The following EYS variants were observed in gnomAD, a reference collection of about 807,000 sequenced individuals.
EYS encodes the protein protein eyes shut homolog.
In EYS, 250 loss-of-function variants were observed where a neutral mutation model predicts 282.1. That is an observed-to-expected ratio of 0.89 (90% CI 0.80 to 0.98). The LOEUF is 0.98. Ranked by LOEUF, EYS falls within the 50% of genes least tolerant of loss-of-function variation. The probability of loss-of-function intolerance (pLI) is 0.00; values close to 1 mark genes in which losing one functional copy is unlikely to be tolerated. For missense variants in EYS, 4,016 were observed against 3,709.0 expected, an observed-to-expected ratio of 1.08 and a Z score of -2.15; for synonymous variants, 1,355 against 1,282.9, an observed-to-expected ratio of 1.06 and a Z score of -1.20.
Position 65,515,868 on chromosome 6 carries a change from C to T in EYS, c.-332-19875G>A, listed in dbSNP as rs192759554. On this transcript the variant is annotated intron_variant, in intron 2 of 42. Coordinates refer to ENST00000503581, the MANE Select transcript of EYS (RefSeq NM_001142800.2). ...ATGACGAGTTAACGGGTGCAGCACA[C>T]CAGCATGGCACATGTATACATATGT... Among the ~76,000 whole-genome samples, 1,126 of 150,902 alleles carry T rather than the reference C, an allele frequency of 7.5e-3. 15 individuals carry two copies. The highest frequency in any genetic ancestry group is 0.025 in the African/African-American group (1,011 of 41,094).
chr6:64,256,711 A>G (rs1029237433), intron 30 of EYS, among the ~76,000 whole-genome samples: 1 of 152,046 alleles, frequency 6.6e-6, no homozygotes, highest in East Asian at 1.9e-4. Context: ...TAGCAAAAGT[A>G]GTAATTAGAT....
intron 12 of EYS, among the ~76,000 whole-genome samples, chr6:65,098,614 A>T (rs894718940): frequency 6.6e-6 from 1 of 150,850 alleles, no homozygotes; most frequent in African/African-American, 2.4e-5. Flanking sequence ...TTGACAAGTT[A>T]TGAATACAAC....
intron 29 of EYS, among the ~76,000 whole-genome samples, chr6:64,361,733 T>TA (rs1772015904): frequency 6.6e-6 from 1 of 151,764 alleles, no homozygotes; most frequent in South Asian, 2.1e-4. Context: ...ACACAACACA[T>TA]ACACACTTAC....
At chr6:64,930,673 G>A (rs2150086897) in intron 15 of EYS, among the ~76,000 whole-genome samples, 1 of 152,086 alleles carries the variant, frequency 6.6e-6, no homozygotes, top group Non-Finnish European at 1.5e-5. Context: ...ATGATTTAAG[G>A]TATTTATTTA....
chr6:64,066,589 T>A, intron 32 of EYS, 98 bp from the exon 33 acceptor site: 1 of 830,100 alleles, frequency 1.2e-6, no homozygotes, highest in Non-Finnish European at 1.9e-6. Flanking sequence ...GACTAATGAT[T>A]TAGGGGGTTG....
At chr6:63,802,335 A>G (rs1363290008) in intron 37 of EYS, among the ~76,000 whole-genome samples, 1 of 152,168 alleles carries the variant, frequency 6.6e-6, no homozygotes, top group Non-Finnish European at 1.5e-5. Flanking sequence ...ATTAGGACAA[A>G]TACCTAATGC....
intron 26 of EYS, among the ~76,000 whole-genome samples, chr6:64,449,508 C>T (rs1279416028): frequency 6.6e-6 from 1 of 151,990 alleles, no homozygotes; most frequent in Non-Finnish European, 1.5e-5. Context: ...ACAGAGAATG[C>T]CACAAAGATA....
intron 12 of EYS, among the ~76,000 whole-genome samples, chr6:65,260,356 C>T (rs1051683903): frequency 6.6e-6 from 1 of 152,060 alleles, no homozygotes; most frequent in Non-Finnish European, 1.5e-5. Flanking sequence ...ATTTCAAAGA[C>T]CTGCCTGCAG....
At chr6:65,560,271 C>A (rs1768991578) in intron 2 of EYS, among the ~76,000 whole-genome samples, 4 of 140,232 alleles carry the variant, frequency 2.9e-5, no homozygotes, top group Admixed American at 1.5e-4. Context: ...TAATATATAA[C>A]ATATAACATA....
chr6:65,387,777 A>G (rs1417800781), intron 7 of EYS, among the ~76,000 whole-genome samples: 2 of 151,998 alleles, frequency 1.3e-5, no homozygotes, highest in African/African-American at 4.8e-5. Context: ...AACTTTTGAT[A>G]CATTTTTTTC....
At chr6:65,506,460 CTTTTTTTTTTTTTTTTTTTTTTTTTTTT>C (rs58326040) in intron 2 of EYS, among the ~76,000 whole-genome samples, 2 of 64,892 alleles carry the variant, frequency 3.1e-5, no homozygotes, top group South Asian at 6.8e-4. Context: ...TCCTTCCTTT[CTTTTTTTTTTTTTTTTTTTTTTTTTTTT>C]TTTTTTTTTT....
chr6:63,795,922 T>C (rs925463550), intron 37 of EYS, among the ~76,000 whole-genome samples: 4 of 152,072 alleles, frequency 2.6e-5, no homozygotes, highest in Non-Finnish European at 5.9e-5. Context: ...TGGTAATCAT[T>C]ATGAAATTCT....
intron 22 of EYS, among the ~76,000 whole-genome samples, chr6:64,661,874 C>T (rs1228086505): frequency 1.4e-5 from 2 of 139,776 alleles, no homozygotes; most frequent in Admixed American, 7.3e-5. Flanking sequence ...CCAGCCATCC[C>T]ATTACTGGGT....
At chr6:64,381,370 G>GCACA (rs887424711) in intron 29 of EYS, among the ~76,000 whole-genome samples, 27 of 151,696 alleles carry the variant, frequency 1.8e-4, no homozygotes, top group South Asian at 6.3e-4. Context: ...ACATATATAT[G>GCACA]CACACACACA....
intron 11 of EYS, among the ~76,000 whole-genome samples, chr6:65,299,673 A>G (rs1447332625): frequency 6.6e-6 from 1 of 152,176 alleles, no homozygotes; most frequent in African/African-American, 2.4e-5. Context: ...TCTGAGGGTC[A>G]AATATTACAG....
chr6:65,424,235 TTTCA>T (rs1475147416), intron 5 of EYS, among the ~76,000 whole-genome samples: 1 of 152,014 alleles, frequency 6.6e-6, no homozygotes, highest in Non-Finnish European at 1.5e-5. Flanking sequence ...ATAATCTCCC[TTTCA>T]TTATGTTCCC....
intron 35 of EYS, among the ~76,000 whole-genome samples, chr6:63,983,407 C>T (rs2149791557): frequency 6.6e-6 from 1 of 151,690 alleles, no homozygotes; most frequent in African/African-American, 2.4e-5. Context: ...TCTGCCCAGT[C>T]CTCTGTTTCT....
Position 64,633,641 on chromosome 6 carries a change from A to G in EYS, c.3444-7396T>C, listed in dbSNP as rs1005003132. On this transcript the variant is annotated intron_variant, in intron 22 of 42. Coordinates refer to ENST00000503581, the MANE Select transcript of EYS (RefSeq NM_001142800.2). Reference sequence around the variant, plus strand: ...CTTTTCTCAGCAAAAAAAAAAAAAAAAAATGGAGCCTAAGCCCCCTTTTAA... The same window carrying G: ...CTTTTCTCAGCAAAAAAAAAAAAAAGAAATGGAGCCTAAGCCCCCTTTTAA... Among the ~76,000 whole-genome samples, 553 of 152,004 alleles carry G rather than the reference A, an allele frequency of 3.6e-3. 4 individuals are homozygous for G. Among genetic ancestry groups the G allele is most frequent in the Non-Finnish European group, 4.7e-3 (322 of 67,954 alleles).
At chr6:64,476,025 G>A (rs951379442) in intron 26 of EYS, among the ~76,000 whole-genome samples, 1 of 152,026 alleles carries the variant, frequency 6.6e-6, no homozygotes, top group East Asian at 1.9e-4. Context: ...TACTGGCCTC[G>A]AGCGATCTTC....
Sources: allele counts gnomAD v4.1 joint callset (sites outside exome capture counted in the v4.1 genomes callset), GRCh38; gene constraint gnomAD v4.1.1; transcripts MANE v1.5; gene names NCBI Gene and HGNC (gene_info 2026-07-23, HGNC 2026-07-21).